The following TSPAN1 variants were observed in gnomAD, a reference collection of about 807,000 sequenced individuals.
TSPAN1 encodes the protein tetraspanin 1, also known as tetraspanin-1.
Under a neutral mutation model 26.9 loss-of-function variants are expected in TSPAN1, and 23 were observed. The observed-to-expected ratio is 0.85, with a 90% CI of 0.62 to 1.21. The LOEUF is 1.21. TSPAN1 is among the 50% of genes most tolerant of loss of function. The pLI, the probability that TSPAN1 is intolerant of heterozygous loss-of-function variation, is 0.00. For synonymous variants in TSPAN1, 115 were observed against 114.8 expected, an observed-to-expected ratio of 1.00 and a Z score of -0.01; for missense variants, 283 against 298.4, an observed-to-expected ratio of 0.95 and a Z score of 0.38.
chr1:46,189,337 A>C, downstream of TSPAN1: 1 of 1,613,846 alleles, frequency 6.2e-7, no homozygotes, highest in Non-Finnish European at 8.5e-7. Context: ...AATTGGGGTG[A>C]CTGAGGGTGG....
At chr1:46,181,910 C>T (rs1028757991) in intron 3 of TSPAN1, among the ~76,000 whole-genome samples, 1 of 152,058 alleles carries the variant, frequency 6.6e-6, no homozygotes, top group Non-Finnish European at 1.5e-5. Context: ...TTCAGAAAAC[C>T]AGAAACAGAT....
intron 1 of TSPAN1, among the ~76,000 whole-genome samples, chr1:46,179,273 A>C (rs1362587874): frequency 1.3e-5 from 2 of 151,034 alleles, no homozygotes; most frequent in Non-Finnish European, 2.9e-5. Context: ...TGATGTTGCC[A>C]CTACACTCCA....
downstream of TSPAN1, chr1:46,189,719 G>T: frequency 6.5e-7 from 1 of 1,549,648 alleles, no homozygotes; most frequent in Non-Finnish European, 8.7e-7. Context: ...GGACAAGGAG[G>T]TTGGAAGAGG....
At position 46,185,260 on chromosome 1, in the gene TSPAN1, T is replaced by TA; in HGVS notation, c.632dup (p.Asn211LysfsTer64). The TA allele has an allele frequency of 2.5e-6, 4 of 1,614,174 alleles. No individual in the cohort carries two copies. The South Asian group carries it at 4.4e-5, about 18-fold the overall frequency. On this transcript the variant is annotated frameshift_variant, in exon 8 of 9. Coordinates refer to ENST00000372003, the MANE Select transcript of TSPAN1 (RefSeq NM_005727.4). LOFTEE classifies it high-confidence loss of function. ...ATCAGCTTTTGTATGACATCCGAAC[T>TA]AATGCAGTCACCGTGGGTGGTGTGG...
At chr1:46,193,964 C>G in the TSPAN1 span, 34,871 of 1,610,962 alleles carry the variant, frequency 0.022, 545 homozygotes, top group South Asian at 0.044. Context: ...CCTTATTCCC[C>G]CTTCAAACTG....
At chr1:46,180,207 G>A (rs1369449785) in intron 1 of TSPAN1, among the ~76,000 whole-genome samples, 2 of 152,272 alleles carry the variant, frequency 1.3e-5, no homozygotes, top group African/African-American at 2.4e-5. Context: ...GCAGATGCAT[G>A]TGCATGTGAG....
chr1:46,191,827 G>T, the TSPAN1 span: 6 of 394,386 alleles, frequency 1.5e-5, no homozygotes, highest in Admixed American at 1.8e-4. Flanking sequence ...GTAGAGATGG[G>T]GTTTCACCAT....
At chr1:46,194,365 C>T in the TSPAN1 span, 88 of 1,614,098 alleles carry the variant, frequency 5.5e-5, no homozygotes, top group African/African-American at 9.3e-5. Context: ...CCGGCGGCGA[C>T]GGTTCAGCTC....
downstream of TSPAN1, chr1:46,189,674 T>C: frequency 2.0e-6 from 3 of 1,533,392 alleles, no homozygotes; most frequent in Middle Eastern, 1.9e-4. Context: ...ACCACCTCAA[T>C]TTGTAAGAGA....
chr1:46,192,981 T>C, the TSPAN1 span: 4 of 1,613,488 alleles, frequency 2.5e-6, no homozygotes, highest in South Asian at 2.2e-5. Flanking sequence ...TGGGACATCA[T>C]GGTCCCAAAG....
At chr1:46,188,585 G>C (rs1657497831), downstream of TSPAN1, 1 of 1,425,832 alleles carries the variant, frequency 7.0e-7, no homozygotes, top group Non-Finnish European at 9.4e-7. Flanking sequence ...AAACTCTGTG[G>C]AGGACAGTAA....
chr1:46,178,414 C>G (rs573575865), intron 1 of TSPAN1, among the ~76,000 whole-genome samples: 1 of 150,294 alleles, frequency 6.7e-6, no homozygotes, highest in African/African-American at 2.4e-5. Flanking sequence ...TTCTTCCTTT[C>G]CCCCTTACTC....
chr1:46,192,579 T>C, the TSPAN1 span: 3 of 1,614,094 alleles, frequency 1.9e-6, no homozygotes, highest in Non-Finnish European at 2.5e-6. Context: ...GTGGATGGAT[T>C]GGCTCAGGAA....
rs900848643 is a variant in TSPAN1 at position 46,176,203 on chromosome 1, C to T, written c.-142+794C>T. On this transcript the variant is annotated intron_variant, in intron 1 of 8. Coordinates refer to ENST00000372003, the MANE Select transcript of TSPAN1 (RefSeq NM_005727.4). Reference sequence around the variant, plus strand: ...TGGCTCTGTTTTTTAAAACCCCACCCTGGCTCACAGGCCCCCTGGCTAACC... The same window carrying T: ...TGGCTCTGTTTTTTAAAACCCCACCTTGGCTCACAGGCCCCCTGGCTAACC... 16 of 1,534,218 alleles carry T rather than the reference C, an allele frequency of 1.0e-5. No homozygotes were observed. The Admixed American group carries it at 3.1e-4, about 30-fold the overall frequency.
the TSPAN1 span, chr1:46,193,802 T>C: frequency 6.2e-7 from 1 of 1,610,246 alleles, no homozygotes; most frequent in South Asian, 1.1e-5. Context: ...TGGAGGTAGA[T>C]GACCTAAGCA....
the TSPAN1 span, chr1:46,194,877 TCCAGC>T: frequency 1.2e-6 from 2 of 1,613,834 alleles, no homozygotes; most frequent in African/African-American, 2.7e-5. Context: ...CATGTGTCCC[TCCAGC>T]CCAGGGCAGG....
intron 1 of TSPAN1, among the ~76,000 whole-genome samples, chr1:46,179,381 G>C (rs978278791): frequency 7.9e-5 from 12 of 151,426 alleles, no homozygotes; most frequent in African/African-American, 2.2e-4. Context: ...TCTCGACTTT[G>C]ACCTTCTTGC....
chr1:46,185,279 G>T lies in TSPAN1; in HGVS notation c.649G>T (p.Gly217Cys), dbSNP rs1251336093. ...DIRTNAVTVG[G>C]VAAGIGGLEL... is the part of the protein sequence containing the mutation. ...CCGAACTAATGCAGTCACCGTGGGT[G>T]GTGTGGCAGCTGGAATTGGGGGCCT... Residue 217 changes from glycine (G) to cysteine (C), a missense_variant, in exon 8 of 9, where the codon GGT (glycine) becomes TGT (cysteine). By Grantham distance (159) the Gly-to-Cys change is radical. Transcript: ENST00000372003. The T allele has an allele frequency of 1.2e-6, 2 of 1,614,182 alleles. No individual in the cohort carries two copies. Among genetic ancestry groups the T allele is most frequent in the Admixed American group, 3.3e-5 (2 of 60,028 alleles).
chr1:46,182,359 G>A (rs1397784570), intron 3 of TSPAN1, among the ~76,000 whole-genome samples: 1 of 143,430 alleles, frequency 7.0e-6, no homozygotes, highest in African/African-American at 2.5e-5. Flanking sequence ...GGGAGGGGGA[G>A]AGGAAAACAA....
Sources: allele counts gnomAD v4.1 joint callset (sites outside exome capture counted in the v4.1 genomes callset), GRCh38; gene constraint gnomAD v4.1.1; transcripts MANE v1.5; gene names NCBI Gene and HGNC (gene_info 2026-07-23, HGNC 2026-07-21).